KANK1: variants seen among roughly 807,000 people sequenced by gnomAD.
KANK1 encodes KN motif and ankyrin repeat domains 1.
In KANK1, 109 loss-of-function variants were observed where a neutral mutation model predicts 106.2. That is an observed-to-expected ratio of 1.03 (90% CI 0.88 to 1.20). KANK1 has a LOEUF of 1.20. Among genes scored for constraint, KANK1 ranks in the 50% most tolerant of loss-of-function variants. KANK1 has a pLI of 0.00. For synonymous variants in KANK1, 873 were observed against 652.2 expected (o/e 1.34, Z -5.16); for missense variants, 2,399 against 1,710.7 (o/e 1.40, Z -7.10).
chr9:693,132 G>C (rs1399597403), intron 2 of KANK1, among the ~76,000 whole-genome samples: 1 of 152,130 alleles, frequency 6.6e-6, no homozygotes, highest in Non-Finnish European at 1.5e-5. Flanking sequence ...AAGAGTATGA[G>C]GGTACAGAGC....
intron 1 of KANK1, among the ~76,000 whole-genome samples, chr9:578,356 C>T (rs1253427430): frequency 6.7e-6 from 1 of 150,274 alleles, no homozygotes. Context: ...TGTGTGTTTG[C>T]CTTTGCTAAG....
At chr9:742,804 A>G (rs549797826) in intron 10 of KANK1, among the ~76,000 whole-genome samples, 41 of 152,352 alleles carry the variant, frequency 2.7e-4, no homozygotes, top group African/African-American at 9.9e-4. Context: ...CACGGTGACT[A>G]AAACCAGTTC....
At chr9:533,090 C>T (rs1325226386) in intron 1 of KANK1, among the ~76,000 whole-genome samples, 2 of 152,104 alleles carry the variant, frequency 1.3e-5, no homozygotes, top group Non-Finnish European at 2.9e-5. Context: ...AAGCCAGTGC[C>T]ATGGAGATAT....
intron 1 of KANK1, among the ~76,000 whole-genome samples, chr9:639,304 T>C (rs1170118452): frequency 6.6e-6 from 1 of 152,106 alleles, no homozygotes; most frequent in Non-Finnish European, 1.5e-5. Context: ...GATTTGATCT[T>C]TGATTATTTT....
At chr9:687,293 G>A (rs1316963394) in intron 2 of KANK1, among the ~76,000 whole-genome samples, 1 of 152,094 alleles carries the variant, frequency 6.6e-6, no homozygotes, top group East Asian at 1.9e-4. Flanking sequence ...GTGTATGTAA[G>A]GATGGCTGGC....
At chr9:517,605 A>G (rs577299433) in intron 1 of KANK1, among the ~76,000 whole-genome samples, 2 of 151,588 alleles carry the variant, frequency 1.3e-5, no homozygotes, top group South Asian at 2.1e-4. Flanking sequence ...CACACTTTCT[A>G]GAGAAGGTAA....
chr9:650,317 C>G (rs531617411), intron 1 of KANK1, among the ~76,000 whole-genome samples: 1 of 152,106 alleles, frequency 6.6e-6, no homozygotes, highest in African/African-American at 2.4e-5. Context: ...AGTAAAAGAT[C>G]AGGAAATAAA....
intron 3 of KANK1, among the ~76,000 whole-genome samples, chr9:714,307 G>A (rs977892994): frequency 2.6e-5 from 4 of 151,806 alleles, no homozygotes; most frequent in Admixed American, 2.0e-4. Flanking sequence ...TCAGGGTGAG[G>A]GCTGTTTGAG....
At chr9:479,412 A>G (rs1410453406) in intron 3 of KANK1, among the ~76,000 whole-genome samples, 9 of 152,216 alleles carry the variant, frequency 5.9e-5, no homozygotes, top group African/African-American at 1.9e-4. Flanking sequence ...AGAGTTCTTC[A>G]CTGCTCATTC....
At position 745,685 on chromosome 9, in the gene KANK1, T is replaced by C. The variant is rs1836995256; in HGVS notation, c.*450T>C. On this transcript the variant is annotated 3_prime_UTR_variant, in exon 12 of 12. Transcript: ENST00000382297. ...ATTTTTCTTTTGTCTTATTTTAAAA[T>C]AAGGAAGTCGAGATGACTTTGATCA... The C allele has an allele frequency of 6.6e-6, 1 of 152,604 alleles. No homozygotes were observed. The highest frequency in any genetic ancestry group is 1.5e-5 in the Non-Finnish European group (1 of 68,222). 9.5% of individuals were successfully genotyped at this position (152,604 alleles called of 1,614,324 possible).
At chr9:693,651 G>A (rs1242331875) in intron 2 of KANK1, 4 of 985,262 alleles carry the variant, frequency 4.1e-6, no homozygotes, top group Non-Finnish European at 4.8e-6. Flanking sequence ...TTCCAAATGG[G>A]TATAAATAAA....
intron 8 of KANK1, among the ~76,000 whole-genome samples, chr9:739,857 G>T (rs1397594264): frequency 6.6e-6 from 1 of 150,446 alleles, no homozygotes; most frequent in South Asian, 2.1e-4. Context: ...AGCAGAGTCC[G>T]CAAAGTCCGA....
chr9:582,197 T>C (rs1822338671), intron 1 of KANK1, among the ~76,000 whole-genome samples: 1 of 152,106 alleles, frequency 6.6e-6, no homozygotes, highest in African/African-American at 2.4e-5. Context: ...CCCTTCTTCA[T>C]GGCTACTTGC....
chr9:520,268 G>A (rs1351517723), intron 1 of KANK1, among the ~76,000 whole-genome samples: 2 of 151,788 alleles, frequency 1.3e-5, no homozygotes, highest in African/African-American at 2.4e-5. Flanking sequence ...AGCCTGGGGA[G>A]GTTAAGGCTG....
intron 1 of KANK1, among the ~76,000 whole-genome samples, chr9:623,733 A>G (rs1046476298): frequency 6.6e-6 from 1 of 152,228 alleles, no homozygotes; most frequent in African/African-American, 2.4e-5. Flanking sequence ...TATCAAAAAG[A>G]CAAAATATAA....
intron 1 of KANK1, among the ~76,000 whole-genome samples, chr9:590,223 G>C (rs62531537): frequency 6.6e-6 from 1 of 152,082 alleles, no homozygotes. Context: ...AATTAGTGAA[G>C]ACCGAGTAGC....
chr9:614,666 C>T (rs1831374265), intron 1 of KANK1, among the ~76,000 whole-genome samples: 1 of 152,086 alleles, frequency 6.6e-6, no homozygotes, highest in Non-Finnish European at 1.5e-5. Flanking sequence ...CAGTAACACT[C>T]CCATGCATTT....
Position 738,289 on chromosome 9 carries a change from T to C in KANK1, c.3338T>C (p.Phe1113Ser), listed in dbSNP as rs764935248. The C allele has an allele frequency of 8.1e-6, 13 of 1,611,266 alleles. No homozygotes were observed. The South Asian group carries it at 1.3e-4, about 16-fold the overall frequency. Residue 1113 changes from phenylalanine to serine, a missense_variant, in exon 8 of 12, where the codon TTC becomes TCC. Transcript: ENST00000382297. Reference protein sequence around the residue: ...PKALTSKDMRFCLNTLQHEWF... With the variant: ...PKALTSKDMRSCLNTLQHEWF... Reference sequence around the variant, plus strand: ...GACCACTTGGTGTTTTGGCAGAGGTTCTGTCTGAACACCCTCCAGCACGAG... The same window carrying C: ...GACCACTTGGTGTTTTGGCAGAGGTCCTGTCTGAACACCCTCCAGCACGAG...
chr9:529,262 C>G (rs1282803872), intron 1 of KANK1, among the ~76,000 whole-genome samples: 1 of 151,356 alleles, frequency 6.6e-6, no homozygotes, highest in Non-Finnish European at 1.5e-5. Flanking sequence ...CACATATACA[C>G]ACACACACAG....
Sources: allele counts gnomAD v4.1 joint callset (sites outside exome capture counted in the v4.1 genomes callset), GRCh38; gene constraint gnomAD v4.1.1; transcripts MANE v1.5; gene names NCBI Gene and HGNC (gene_info 2026-07-23, HGNC 2026-07-21).